Variants in VAV3 observed in about 807,000 individuals in gnomAD.
The protein encoded by VAV3 is vav guanine nucleotide exchange factor 3.
A neutral mutation model predicts 131.2 loss-of-function variants in VAV3; 94 were observed. The observed-to-expected ratio is 0.72, with a 90% CI of 0.61 to 0.85. The LOEUF (loss-of-function observed/expected upper bound fraction) is 0.85, where lower values mean the gene tolerates loss of function less well. Ranked by LOEUF, VAV3 falls within the 40% of genes least tolerant of loss-of-function variation. VAV3 has a pLI of 0.00. For missense variants in VAV3, 939 were observed against 1,002.7 expected, an observed-to-expected ratio of 0.94 and a Z score of 0.86; for synonymous variants, 349 against 342.0, an observed-to-expected ratio of 1.02 and a Z score of -0.22.
intron 2 of VAV3, among the ~76,000 whole-genome samples, chr1:107,849,632 C>T (rs1310467719): frequency 1.3e-5 from 2 of 151,690 alleles, no homozygotes; most frequent in Non-Finnish European, 1.5e-5. Context: ...TAGTAGAAAA[C>T]CTAGGCAATA....
intron 1 of VAV3, among the ~76,000 whole-genome samples, chr1:107,878,163 T>A (rs2101028404): frequency 6.6e-6 from 1 of 152,318 alleles, no homozygotes; most frequent in East Asian, 1.9e-4. Context: ...TTTATAAATG[T>A]ATTATGTTCA....
chr1:107,836,301 T>G (rs1668474780), intron 2 of VAV3, among the ~76,000 whole-genome samples: 1 of 152,076 alleles, frequency 6.6e-6, no homozygotes, highest in Admixed American at 6.5e-5. Flanking sequence ...TCTCAATAAA[T>G]TCAAACAACT....
intron 2 of VAV3, among the ~76,000 whole-genome samples, chr1:107,806,523 C>CT (rs79706698): frequency 0.15 from 22,930 of 151,958 alleles, 2,002 homozygotes; most frequent in East Asian, 0.29. Context: ...CCAATAATGG[C>CT]TTTTACTATC....
intron 2 of VAV3, chr1:107,785,474 C>T: frequency 7.5e-7 from 1 of 1,325,538 alleles, no homozygotes; most frequent in South Asian, 1.2e-5. Context: ...GTGGGCTCTG[C>T]AAGGGCAATC....
chr1:107,946,773 T>C (rs1674281257), intron 1 of VAV3, among the ~76,000 whole-genome samples: 1 of 152,230 alleles, frequency 6.6e-6, no homozygotes, highest in Non-Finnish European at 1.5e-5. Context: ...GCTCAGTGTC[T>C]TCTAAAATTC....
intron 22 of VAV3, among the ~76,000 whole-genome samples, chr1:107,608,232 T>G (rs573528600): frequency 3.3e-5 from 5 of 152,270 alleles, no homozygotes; most frequent in South Asian, 4.2e-4. Flanking sequence ...AAACCTACCT[T>G]CGGGTGCCCT....
intron 20 of VAV3, among the ~76,000 whole-genome samples, chr1:107,620,872 A>C (rs1027053198): frequency 6.6e-6 from 1 of 152,146 alleles, no homozygotes; most frequent in Non-Finnish European, 1.5e-5. Context: ...GTTCCACACA[A>C]AAGACATAAA....
chr1:107,787,674 G>T (rs893114642), intron 2 of VAV3, among the ~76,000 whole-genome samples: 2 of 152,154 alleles, frequency 1.3e-5, no homozygotes, highest in Non-Finnish European at 2.9e-5. Flanking sequence ...AGATTCACTT[G>T]CACCTTATTC....
intron 19 of VAV3, among the ~76,000 whole-genome samples, chr1:107,666,738 T>G (rs923815099): frequency 2.6e-5 from 4 of 152,036 alleles, no homozygotes; most frequent in Admixed American, 2.6e-4. Context: ...CCCAGCTAAT[T>G]TGTATATATA....
chr1:107,884,062 TGAAA>T (rs1236569014), intron 1 of VAV3, among the ~76,000 whole-genome samples: 1 of 151,212 alleles, frequency 6.6e-6, no homozygotes, highest in African/African-American at 2.4e-5. Flanking sequence ...CTGCCTTTGG[TGAAA>T]GAAAGTAGCA....
Position 107,581,556 on chromosome 1 carries a change from C to A in VAV3, c.2351-7358G>T, listed in dbSNP as rs544201941. On this transcript the variant is annotated intron_variant, in intron 25 of 26. Coordinates refer to ENST00000370056, the MANE Select transcript of VAV3 (RefSeq NM_006113.5). The stretch of plus-strand genomic sequence containing the variant: ...TTGGAATAGAAGTTATCAGCATAGC[C>A]ATAATAACTGACTGGCAAATCATTA... Among the ~76,000 whole-genome samples the A allele has an allele frequency of 3.9e-4, 59 of 152,212 alleles. 1 individual carries two copies. In the South Asian group the frequency reaches 0.012, roughly 31 times the overall value.
At chr1:107,744,847 A>G (rs951444312) in intron 15 of VAV3, among the ~76,000 whole-genome samples, 1 of 152,198 alleles carries the variant, frequency 6.6e-6, no homozygotes, top group East Asian at 1.9e-4. Context: ...TTATGGATAA[A>G]GAAACTCCTG....
intron 1 of VAV3, among the ~76,000 whole-genome samples, chr1:107,887,444 G>A (rs1671089021): frequency 3.3e-5 from 5 of 152,146 alleles, no homozygotes; most frequent in Admixed American, 3.3e-4. Flanking sequence ...CTTTGGGATA[G>A]AAATCTGCCC....
intron 15 of VAV3, among the ~76,000 whole-genome samples, chr1:107,724,365 T>A (rs898906096): frequency 6.6e-6 from 1 of 151,970 alleles, no homozygotes; most frequent in Admixed American, 6.6e-5. Context: ...TGAAGTTATA[T>A]GGCACTTACA....
At chr1:107,728,745 A>G (rs1662032764) in intron 15 of VAV3, among the ~76,000 whole-genome samples, 2 of 152,128 alleles carry the variant, frequency 1.3e-5, no homozygotes, top group Admixed American at 6.5e-5. Context: ...CCACAAGCAA[A>G]AAGACTGCTT....
chr1:107,949,718 G>A (rs1201492151), intron 1 of VAV3, among the ~76,000 whole-genome samples: 1 of 152,142 alleles, frequency 6.6e-6, no homozygotes, highest in Non-Finnish European at 1.5e-5. Flanking sequence ...ATATTTTACA[G>A]AATCCCAAAG....
intron 19 of VAV3, among the ~76,000 whole-genome samples, chr1:107,648,364 A>G (rs956986014): frequency 6.6e-6 from 1 of 152,056 alleles, no homozygotes; most frequent in Admixed American, 6.6e-5. Flanking sequence ...CACCTTTATT[A>G]AAAAGGTGTT....
At chr1:107,592,335 T>G (rs1651035675) in intron 25 of VAV3, among the ~76,000 whole-genome samples, 2 of 152,162 alleles carry the variant, frequency 1.3e-5, no homozygotes, top group South Asian at 4.1e-4. Context: ...TTGTCCTGCT[T>G]GGAGCATTAT....
intron 20 of VAV3, among the ~76,000 whole-genome samples, chr1:107,631,740 T>C (rs1347374202): frequency 1.3e-5 from 2 of 150,680 alleles, no homozygotes; most frequent in Non-Finnish European, 3.0e-5. Flanking sequence ...TGGTTTTTTG[T>C]CCTTGCGATA....
Sources: allele counts gnomAD v4.1 joint callset (sites outside exome capture counted in the v4.1 genomes callset), GRCh38; gene constraint gnomAD v4.1.1; transcripts MANE v1.5; gene names NCBI Gene and HGNC (gene_info 2026-07-23, HGNC 2026-07-21).